The following LAMA1 variants were observed in gnomAD, a reference collection of about 807,000 sequenced individuals.
LAMA1 encodes the protein laminin subunit alpha-1.
LAMA1 carries 219 observed loss-of-function variants against 348.7 expected under a neutral mutation model. The ratio of observed to expected loss-of-function variants is 0.63; its 90% CI spans 0.56 to 0.70. The LOEUF is 0.70. Ranked by LOEUF, LAMA1 falls within the 30% of genes least tolerant of loss-of-function variation. The pLI, the probability that LAMA1 is intolerant of heterozygous loss-of-function variation, is 0.00. For synonymous variants in LAMA1, 1,487 were observed against 1,491.0 expected (o/e 1.00, Z 0.06); for missense variants, 3,744 against 3,888.0 (o/e 0.96, Z 0.99).
chr18:6,998,582 T>G (rs973672679), intron 32 of LAMA1, among the ~76,000 whole-genome samples: 7 of 152,120 alleles, frequency 4.6e-5, no homozygotes, highest in African/African-American at 1.7e-4. Context: ...TGTTTGTGCT[T>G]ATAACCCACA....
chr18:7,017,244 A>G, intron 20 of LAMA1, 34 bp downstream of exon 20: 1 of 1,532,620 alleles, frequency 6.5e-7, no homozygotes, highest in Non-Finnish European at 9.0e-7. Context: ...CTCTGTACCA[A>G]GGCTAAGGTG....
At chr18:7,102,778 C>T (rs1053501712) in intron 1 of LAMA1, among the ~76,000 whole-genome samples, 1 of 152,154 alleles carries the variant, frequency 6.6e-6, no homozygotes, top group South Asian at 2.1e-4. Flanking sequence ...TCAACAAATA[C>T]TTGTTGACTA....
intron 39 of LAMA1, 95 bp from the exon 40 acceptor site, chr18:6,983,329 C>T (rs2057720567): frequency 2.4e-6 from 3 of 1,265,054 alleles, no homozygotes; most frequent in Non-Finnish European, 3.4e-6. Flanking sequence ...GTTTTGAAAG[C>T]CTCCTATCTT....
chr18:6,992,507 G>A (rs929593931), intron 36 of LAMA1, 54 bp downstream of exon 36: 42 of 1,569,200 alleles, frequency 2.7e-5, no homozygotes, highest in East Asian at 1.1e-4. Context: ...TGGAGATAGC[G>A]TGCAAGTTTC....
intron 1 of LAMA1, among the ~76,000 whole-genome samples, chr18:7,107,206 C>T (rs1246432599): frequency 6.6e-6 from 1 of 151,512 alleles, no homozygotes; most frequent in African/African-American, 2.4e-5. Flanking sequence ...GCAAGCTCCG[C>T]CTGCCGGGTT....
chr18:7,025,741 G>A (rs1288278619), intron 17 of LAMA1, among the ~76,000 whole-genome samples: 1 of 152,204 alleles, frequency 6.6e-6, no homozygotes, highest in Non-Finnish European at 1.5e-5. Context: ...GGAATCAAGA[G>A]GGAAAACGGC....
At chr18:6,951,297 G>A (rs767566258) in intron 57 of LAMA1, among the ~76,000 whole-genome samples, 2 of 152,172 alleles carry the variant, frequency 1.3e-5, no homozygotes, top group African/African-American at 4.8e-5. Flanking sequence ...CATTCAACGC[G>A]GGTAACTCTG....
rs1047382383 is a variant in LAMA1 at position 7,108,760 on chromosome 18, G to C, written c.61+8900C>G. On this transcript the variant is annotated intron_variant, in intron 1 of 62. Coordinates refer to ENST00000389658, the MANE Select transcript of LAMA1 (RefSeq NM_005559.4). Reference sequence around the variant, plus strand: ...CAGTTCTCCCCACTCCAAACTTCTAGAATGAACAAAAGTATGCCCATGAAG... The same window carrying C: ...CAGTTCTCCCCACTCCAAACTTCTACAATGAACAAAAGTATGCCCATGAAG... Among the ~76,000 whole-genome samples, 3 of 149,248 alleles carry C rather than the reference G, an allele frequency of 2.0e-5. No homozygotes were observed. The Admixed American group carries it at 2.0e-4, about 10-fold the overall frequency.
intron 3 of LAMA1, among the ~76,000 whole-genome samples, chr18:7,053,085 A>G (rs2058068454): frequency 6.6e-6 from 1 of 152,228 alleles, no homozygotes; most frequent in Non-Finnish European, 1.5e-5. Flanking sequence ...CCAATCTGAA[A>G]AGGCTACATA....
intron 3 of LAMA1, among the ~76,000 whole-genome samples, chr18:7,069,320 T>C (rs572318165): frequency 1.3e-5 from 2 of 152,316 alleles, no homozygotes; most frequent in East Asian, 3.9e-4. Context: ...TGCATTCCTG[T>C]TTGGTTCCTA....
chr18:6,995,357 C>T lies in LAMA1; in HGVS notation c.4896G>A (p.Lys1632=), dbSNP rs2057776516. The T allele has an allele frequency of 6.2e-7, 1 of 1,607,926 alleles. No homozygotes were observed. Among genetic ancestry groups the T allele is most frequent in the Non-Finnish European group, 8.5e-7 (1 of 1,174,426 alleles). ...TTGGTTGGTTATGGAAAGAATTTAC[C>T]TTCTTTTGCAGGTTGTCCGTTTCTT... The part of the protein sequence containing the change: ...VAEETDNLQK[K]LTRMLASTQK... Residue 1632 remains lysine, a splice_region_variant and synonymous_variant, in exon 34 of 63, where the codon AAG becomes AAA. Coordinates refer to ENST00000389658, the MANE Select transcript of LAMA1 (RefSeq NM_005559.4).
intron 43 of LAMA1, 38 bp from the exon 44 acceptor site, chr18:6,977,919 T>G: frequency 5.0e-6 from 8 of 1,603,188 alleles, no homozygotes; most frequent in Non-Finnish European, 6.8e-6. Flanking sequence ...GCAAGAAAGT[T>G]GGGGAGAGGG....
chr18:7,075,813 TGTA>T (rs1486474772), intron 3 of LAMA1, among the ~76,000 whole-genome samples: 11 of 150,444 alleles, frequency 7.3e-5, no homozygotes, highest in Non-Finnish European at 1.5e-4. Flanking sequence ...GGTGTGTGCC[TGTA>T]GTCCCAGCCA....
intron 39 of LAMA1, 95 bp downstream of exon 39, chr18:6,985,142 G>A (rs2144057100): frequency 1.4e-6 from 2 of 1,440,962 alleles, no homozygotes; most frequent in South Asian, 1.1e-5. Flanking sequence ...TTTACACAAA[G>A]GAAGAGTGAC....
intron 48 of LAMA1, among the ~76,000 whole-genome samples, chr18:6,966,538 C>A (rs1055944042): frequency 1.3e-5 from 2 of 152,154 alleles, no homozygotes; most frequent in Non-Finnish European, 2.9e-5. Flanking sequence ...GGTAAAAATA[C>A]ATTTCTTTAC....
intron 30 of LAMA1, among the ~76,000 whole-genome samples, chr18:7,000,564 C>T (rs1202943362): frequency 1.3e-5 from 2 of 152,202 alleles, no homozygotes; most frequent in South Asian, 2.1e-4. Context: ...CAGAGCCTCT[C>T]AAAGTTTAAT....
chr18:7,100,892 C>T (rs1178284902), intron 1 of LAMA1, among the ~76,000 whole-genome samples: 2 of 152,068 alleles, frequency 1.3e-5, no homozygotes, highest in African/African-American at 4.8e-5. Context: ...TGCCTGTAAT[C>T]CCAGCTACTC....
Position 7,046,368 on chromosome 18 carries a change from C to T in LAMA1, c.769-1G>A. The T allele has an allele frequency of 1.3e-6, 2 of 1,573,852 alleles. No homozygotes were observed. Among genetic ancestry groups the T allele is most frequent in the Non-Finnish European group, 1.7e-6 (2 of 1,147,544 alleles). On this transcript the variant is annotated splice_acceptor_variant, in intron 5 of 62. Transcript: ENST00000389658. LOFTEE classifies it high-confidence loss of function. Reference sequence around the variant, plus strand: ...AAATGTCCTTTATTGAATAATAATACTAAGGAAAAAGAAAGTTATGAACAA... The same window carrying T: ...AAATGTCCTTTATTGAATAATAATATTAAGGAAAAAGAAAGTTATGAACAA...
In LAMA1 at chr18:7,026,044, C is replaced by T. The variant is rs370879719; in HGVS notation, c.2337G>A (p.Glu779=). The change falls in exon 17 of 63, where the codon GAG becomes GAA. Residue 779 remains glutamate, a synonymous_variant. Coordinates refer to ENST00000389658, the MANE Select transcript of LAMA1 (RefSeq NM_005559.4). The part of the protein sequence containing the change: ...CEQCLPGFYG[E]PSRGTPGDCQ... ...AGTCCCCAGGTGTCCCTCGGGAAGG[C>T]TCCCCGTAGAAGCCGGGCAAGCACT... 1 of 1,610,068 alleles carries T rather than the reference C, an allele frequency of 6.2e-7. No individual in the cohort carries two copies. Among genetic ancestry groups the T allele is most frequent in the Non-Finnish European group, 8.5e-7 (1 of 1,178,070 alleles).
Sources: gnomAD v4.1 joint callset for allele counts (sites outside exome capture counted in the v4.1 genomes callset) on GRCh38, gnomAD v4.1.1 for gene constraint, MANE v1.5 for transcripts, NCBI Gene and HGNC (gene_info 2026-07-23, HGNC 2026-07-21) for gene names.